The following NCKAP5 variants were observed in gnomAD, a reference collection of about 807,000 sequenced individuals.
The protein encoded by NCKAP5 is NCK associated protein 5.
In NCKAP5, 92 loss-of-function variants were observed where a neutral mutation model predicts 167.0. The ratio of observed to expected loss-of-function variants is 0.55; its 90% CI spans 0.47 to 0.66. NCKAP5 has a LOEUF of 0.66. Ranked by LOEUF, NCKAP5 falls within the 30% of genes least tolerant of loss-of-function variation. The probability of loss-of-function intolerance (pLI) is 0.00; values close to 1 mark genes in which losing one functional copy is unlikely to be tolerated. For missense variants in NCKAP5, 2,378 were observed against 2,315.0 expected (o/e 1.03, Z -0.56); for synonymous variants, 891 against 877.4 (o/e 1.02, Z -0.27).
At chr2:132,789,999 C>A in intron 13 of NCKAP5, 24 bp downstream of exon 13, 1 of 1,587,012 alleles carries the variant, frequency 6.3e-7, no homozygotes, top group South Asian at 1.1e-5. Flanking sequence ...TTTTCTGGTT[C>A]ATTCCGATGC....
At chr2:133,238,327 G>C (rs1460945500) in intron 4 of NCKAP5, among the ~76,000 whole-genome samples, 1 of 152,148 alleles carries the variant, frequency 6.6e-6, no homozygotes, top group Non-Finnish European at 1.5e-5. Flanking sequence ...CTCCCACATG[G>C]GTCATGGCGA....
At chr2:133,535,993 C>G (rs139749567) in intron 2 of NCKAP5, among the ~76,000 whole-genome samples, 43 of 151,856 alleles carry the variant, frequency 2.8e-4, no homozygotes, top group African/African-American at 9.6e-4. Context: ...CAGTTGTTTT[C>G]TTCTTGCTGA....
At chr2:133,343,000 A>T (rs1683701962) in intron 3 of NCKAP5, among the ~76,000 whole-genome samples, 1 of 152,158 alleles carries the variant, frequency 6.6e-6, no homozygotes, top group Non-Finnish European at 1.5e-5. Context: ...TCAGATCTCA[A>T]CTTGCTTGAT....
intron 11 of NCKAP5, among the ~76,000 whole-genome samples, chr2:132,798,696 T>C (rs1684796493): frequency 6.6e-6 from 1 of 152,140 alleles, no homozygotes; most frequent in Non-Finnish European, 1.5e-5. Context: ...CTTCCCTTCA[T>C]TGAAATAGGG....
At chr2:133,189,044 TAATA>T (rs1248914940) in intron 5 of NCKAP5, among the ~76,000 whole-genome samples, 1 of 151,986 alleles carries the variant, frequency 6.6e-6, no homozygotes, top group Non-Finnish European at 1.5e-5. Context: ...CTAGCAAGAC[TAATA>T]AAGAAGAAAA....
chr2:133,266,412 G>A (rs999321547), intron 4 of NCKAP5: 13 of 152,880 alleles, frequency 8.5e-5, no homozygotes, highest in African/African-American at 2.4e-4. Flanking sequence ...CGGGGACAAG[G>A]ACTGAACGGG....
intron 11 of NCKAP5, among the ~76,000 whole-genome samples, chr2:132,830,478 G>A (rs528176532): frequency 2.6e-5 from 4 of 151,946 alleles, no homozygotes; most frequent in African/African-American, 7.2e-5. Context: ...TCTCACTCCC[G>A]AAGAACAAAG....
chr2:133,047,458 G>C (rs915151781), intron 6 of NCKAP5, among the ~76,000 whole-genome samples: 8 of 152,184 alleles, frequency 5.3e-5, no homozygotes, highest in African/African-American at 1.9e-4. Flanking sequence ...GACAATGAAA[G>C]AAAACATGCT....
In NCKAP5 at chr2:132,785,610, T is replaced by C. The variant is rs759457152; in HGVS notation, c.1201A>G (p.Ile401Val). 4.5e-6 allele frequency: 7 copies of C among 1,570,658 alleles called. No homozygotes were observed. Among genetic ancestry groups the C allele is most frequent in the East Asian group, 4.5e-5 (2 of 44,490 alleles). Residue 401 changes from isoleucine to valine, a missense_variant, in exon 14 of 20, where the codon ATT (isoleucine) becomes GTT (valine). Coordinates refer to ENST00000409261, the MANE Select transcript of NCKAP5 (RefSeq NM_207363.3). ...TGTAGCTTTCTTAGCCCTTCCAAAA[T>C]GTGGCTTTCCTTGATACGAGTTGGA... ...LPPTRIKESH[I>V]LEGLRKLQKR...
intron 1 of NCKAP5, among the ~76,000 whole-genome samples, chr2:133,563,944 G>A (rs1013898572): frequency 6.6e-6 from 1 of 152,148 alleles, no homozygotes; most frequent in African/African-American, 2.4e-5. Flanking sequence ...GACCAGCCCG[G>A]CTAACATGGT....
intron 9 of NCKAP5, among the ~76,000 whole-genome samples, chr2:132,874,612 A>G (rs1469457294): frequency 6.6e-6 from 1 of 152,162 alleles, no homozygotes; most frequent in African/African-American, 2.4e-5. Context: ...CTAGTTTTCA[A>G]TGTCCTTGCG....
chr2:133,408,236 C>T (rs1298716244), intron 3 of NCKAP5, among the ~76,000 whole-genome samples: 1 of 152,188 alleles, frequency 6.6e-6, no homozygotes, highest in Non-Finnish European at 1.5e-5. Flanking sequence ...CTCCTCTGTC[C>T]TCAAGGCGTG....
upstream of NCKAP5, among the ~76,000 whole-genome samples, chr2:133,570,597 T>G (rs1207968134): frequency 6.6e-6 from 1 of 152,214 alleles, no homozygotes; most frequent in East Asian, 1.9e-4. Context: ...CTGTCCACCT[T>G]CAGAAATGAT....
Position 133,190,048 on chromosome 2 carries a change from C to G in NCKAP5, c.207+23668G>C, listed in dbSNP as rs550893841. On this transcript the variant is annotated intron_variant, in intron 5 of 19. Coordinates refer to ENST00000409261, the MANE Select transcript of NCKAP5 (RefSeq NM_207363.3). Reference sequence around the variant, plus strand: ...CCCCATCATCTCAACCCAAAATCTCCTTAAGCTGGTAAGCAACTTCAGCAA... The same window carrying G: ...CCCCATCATCTCAACCCAAAATCTCGTTAAGCTGGTAAGCAACTTCAGCAA... Among the ~76,000 whole-genome samples, 3 of 152,300 alleles carry G rather than the reference C, an allele frequency of 2.0e-5. No individual in the cohort carries two copies. The South Asian group carries it at 6.2e-4, about 32-fold the overall frequency.
At chr2:133,078,069 T>C (rs1293786274) in intron 6 of NCKAP5, among the ~76,000 whole-genome samples, 1 of 151,830 alleles carries the variant, frequency 6.6e-6, no homozygotes, top group Non-Finnish European at 1.5e-5. Context: ...AGGGTTCAGT[T>C]CCTCAGATGT....
At chr2:132,738,220 T>C (rs1691699595) in intron 16 of NCKAP5, among the ~76,000 whole-genome samples, 1 of 152,192 alleles carries the variant, frequency 6.6e-6, no homozygotes, top group African/African-American at 2.4e-5. Flanking sequence ...TCCTGAATAT[T>C]TTAATGATGG....
chr2:133,427,035 C>A (rs1689855635), intron 3 of NCKAP5, among the ~76,000 whole-genome samples: 1 of 152,138 alleles, frequency 6.6e-6, no homozygotes, highest in South Asian at 2.1e-4. Flanking sequence ...GAGAGTTTTT[C>A]ATAATGCAGT....
At chr2:133,107,807 T>C (rs149020352) in intron 6 of NCKAP5, among the ~76,000 whole-genome samples, 2 of 152,360 alleles carry the variant, frequency 1.3e-5, no homozygotes, top group Admixed American at 1.3e-4. Context: ...TTCACCATCG[T>C]CTTATTTCTG....
chr2:133,083,215 T>C (rs750893270), intron 6 of NCKAP5, among the ~76,000 whole-genome samples: 7 of 152,142 alleles, frequency 4.6e-5, no homozygotes, highest in Non-Finnish European at 8.8e-5. Context: ...ACTTGCATAT[T>C]AGACAGGGCC....
Sources: allele counts gnomAD v4.1 joint callset (sites outside exome capture counted in the v4.1 genomes callset), GRCh38; gene constraint gnomAD v4.1.1; transcripts MANE v1.5; gene names NCBI Gene and HGNC (gene_info 2026-07-23, HGNC 2026-07-21).